The following PTPRR variants were observed in gnomAD, a reference collection of about 807,000 sequenced individuals.
PTPRR encodes the protein protein tyrosine phosphatase receptor type R, also known as receptor-type tyrosine-protein phosphatase R.
PTPRR carries 38 observed loss-of-function variants against 77.2 expected under a neutral mutation model. The observed-to-expected ratio is 0.49, with a 90% CI of 0.38 to 0.65. PTPRR has a LOEUF of 0.65. Ranked by LOEUF, PTPRR falls within the 30% of genes least tolerant of loss-of-function variation. The pLI is 0.00. For synonymous variants in PTPRR, 299 were observed against 283.1 expected (o/e 1.06, Z -0.57); for missense variants, 744 against 799.2 (o/e 0.93, Z 0.83).
At chr12:70,774,676 T>C (rs1023445662) in intron 2 of PTPRR, among the ~76,000 whole-genome samples, 1 of 152,096 alleles carries the variant, frequency 6.6e-6, no homozygotes, top group Non-Finnish European at 1.5e-5. Flanking sequence ...CCCATAAAAA[T>C]AGTGATGCTA....
chr12:70,677,671 A>G (rs1373037556), intron 10 of PTPRR, among the ~76,000 whole-genome samples: 1 of 152,082 alleles, frequency 6.6e-6, no homozygotes, highest in Non-Finnish European at 1.5e-5. Context: ...GATGATATGG[A>G]TTTTATCCTT....
intron 3 of PTPRR, among the ~76,000 whole-genome samples, chr12:70,762,652 A>G (rs1247004961): frequency 6.6e-6 from 1 of 152,236 alleles, no homozygotes; most frequent in Non-Finnish European, 1.5e-5. Flanking sequence ...CATGCTATTT[A>G]CCTTAAATCT....
chr12:70,913,884 C>A (rs1893736861), intron 1 of PTPRR, among the ~76,000 whole-genome samples: 1 of 152,110 alleles, frequency 6.6e-6, no homozygotes, highest in Non-Finnish European at 1.5e-5. Flanking sequence ...TGAACACTTA[C>A]TGATGCCATA....
At chr12:70,795,897 A>G (rs1212268291) in intron 2 of PTPRR, among the ~76,000 whole-genome samples, 1 of 133,280 alleles carries the variant, frequency 7.5e-6, no homozygotes, top group Admixed American at 7.9e-5. Flanking sequence ...CTATATGTTC[A>G]AAATGTATTT....
intron 5 of PTPRR, among the ~76,000 whole-genome samples, chr12:70,750,465 T>C (rs1398041131): frequency 2.0e-5 from 3 of 152,202 alleles, no homozygotes; most frequent in African/African-American, 4.8e-5. Context: ...ACGAAAGTGA[T>C]AGTACAAGTA....
At chr12:70,813,033 A>C (rs538092543) in intron 2 of PTPRR, among the ~76,000 whole-genome samples, 2 of 152,332 alleles carry the variant, frequency 1.3e-5, no homozygotes, top group South Asian at 4.1e-4. Flanking sequence ...ATAATTTGCT[A>C]TACTTTGGAT....
At chr12:70,849,112 A>G (rs1237780350) in intron 2 of PTPRR, among the ~76,000 whole-genome samples, 1 of 152,204 alleles carries the variant, frequency 6.6e-6, no homozygotes, top group Non-Finnish European at 1.5e-5. Context: ...AGAAGAAAAG[A>G]TGTAGGTAGA....
At chr12:70,813,153 G>T (rs1891840033) in intron 2 of PTPRR, among the ~76,000 whole-genome samples, 2 of 152,052 alleles carry the variant, frequency 1.3e-5, no homozygotes, top group Non-Finnish European at 2.9e-5. Context: ...TCATCTTTTT[G>T]CCCAAGCACA....
chr12:70,800,033 G>C (rs1057505529), intron 2 of PTPRR, among the ~76,000 whole-genome samples: 14 of 152,136 alleles, frequency 9.2e-5, no homozygotes, highest in African/African-American at 3.4e-4. Context: ...TATTTACCTG[G>C]AGGTGCAGCC....
chr12:70,702,871 T>C (rs1217741332), intron 6 of PTPRR, among the ~76,000 whole-genome samples: 2 of 152,196 alleles, frequency 1.3e-5, no homozygotes, highest in Non-Finnish European at 2.9e-5. Context: ...AGATAAACAC[T>C]ACATCATTTT....
chr12:70,888,264 G>C (rs533955381), intron 2 of PTPRR, among the ~76,000 whole-genome samples: 1 of 151,890 alleles, frequency 6.6e-6, no homozygotes, highest in Non-Finnish European at 1.5e-5. Flanking sequence ...TTTATGCTTA[G>C]CAAAAAATAA....
chr12:70,754,393 C>G, intron 4 of PTPRR, 92 bp from the exon 5 acceptor site: 2 of 1,584,744 alleles, frequency 1.3e-6, no homozygotes, highest in Non-Finnish European at 1.7e-6. Context: ...TAGCCTTATT[C>G]CATTCAGTGT....
At chr12:70,813,906 G>A (rs1384416684) in intron 2 of PTPRR, among the ~76,000 whole-genome samples, 2 of 152,184 alleles carry the variant, frequency 1.3e-5, no homozygotes, top group African/African-American at 2.4e-5. Flanking sequence ...GAAGCTTCCT[G>A]AGGCAGGGGG....
rs777134218 is a variant in PTPRR, at chr12:70,684,216, T to A, written c.1408A>T (p.Ile470Phe). 1.2e-6 allele frequency: 2 copies of A among 1,614,112 alleles called. No individual in the cohort carries two copies. The highest frequency in any genetic ancestry group is 1.7e-6 in the Non-Finnish European group (2 of 1,179,980). Residue 470 changes from isoleucine to phenylalanine, a missense_variant, in exon 10 of 14, where the codon ATC (isoleucine) becomes TTC (phenylalanine). Physicochemically the swap from Ile to Phe is conservative, Grantham distance 21 (BLOSUM62 0). Around this residue, in one of 3 missense-constraint regions of PTPRR, gnomAD observed 570 missense variants for 573.2 expected, o/e 0.99. Coordinates refer to ENST00000283228, the MANE Select transcript of PTPRR (RefSeq NM_002849.4). ...KAFIATQGPM[I>F]NTVDDFWQMV... ...TGCCAGAAATCATCCACGGTGTTGA[T>A]CATGGGGCCCTGCGTGGCAATGAAG...
chr12:70,657,989 G>A (rs1886645593), intron 12 of PTPRR, among the ~76,000 whole-genome samples: 1 of 152,064 alleles, frequency 6.6e-6, no homozygotes, highest in Non-Finnish European at 1.5e-5. Context: ...CTGAAATAGG[G>A]ACTTAATTAT....
intron 6 of PTPRR, among the ~76,000 whole-genome samples, chr12:70,709,420 C>T (rs1346663713): frequency 1.3e-5 from 2 of 152,118 alleles, no homozygotes; most frequent in African/African-American, 2.4e-5. Context: ...GACAAGAATG[C>T]TTTCACCACT....
chr12:70,852,524 C>A (rs17108918), intron 2 of PTPRR, among the ~76,000 whole-genome samples: 27,272 of 152,024 alleles, frequency 0.18, 3,074 homozygotes, highest in East Asian at 0.4. Context: ...CAGCACTGAG[C>A]AAACAGCAAT....
intron 2 of PTPRR, among the ~76,000 whole-genome samples, chr12:70,865,034 C>T (rs901141584): frequency 1.1e-4 from 17 of 152,078 alleles, no homozygotes; most frequent in Non-Finnish European, 1.8e-4. Flanking sequence ...AGGCTGGTCT[C>T]GAACTCCTGA....
At chr12:70,688,655 A>G (rs1380596880) in intron 8 of PTPRR, among the ~76,000 whole-genome samples, 1 of 152,186 alleles carries the variant, frequency 6.6e-6, no homozygotes, top group African/African-American at 2.4e-5. Flanking sequence ...CTATGAATGA[A>G]CTACCATATG....
Sources: gnomAD v4.1 joint callset for allele counts (sites outside exome capture counted in the v4.1 genomes callset) on GRCh38, gnomAD v4.1.1 for gene constraint, gnomAD v4.1.1 regional missense constraint, MANE v1.5 for transcripts, NCBI Gene and HGNC (gene_info 2026-07-23, HGNC 2026-07-21) for gene names.